SFTPC: variants seen among roughly 807,000 people sequenced by gnomAD.
SFTPC encodes the protein BRICHOS domain containing 6.
SFTPC carries 12 observed loss-of-function variants against 19.9 expected under a neutral mutation model. That is an observed-to-expected ratio of 0.60 (90% CI 0.39 to 0.98). The LOEUF (loss-of-function observed/expected upper bound fraction) is 0.98. Ranked by LOEUF, SFTPC falls within the 50% of genes least tolerant of loss-of-function variation. The probability of loss-of-function intolerance (pLI) is 0.00; values close to 1 mark genes in which losing one functional copy is unlikely to be tolerated. For synonymous variants in SFTPC, 123 were observed against 103.3 expected, an observed-to-expected ratio of 1.19 and a Z score of -1.16; for missense variants, 219 against 252.2, an observed-to-expected ratio of 0.87 and a Z score of 0.89.
rs140610971 is a variant in SFTPC, at chr8:22,161,908, C to T, written c.42+38C>T. 4.1e-5 allele frequency: 66 copies of T among 1,600,956 alleles called. No homozygotes were observed. In the Middle Eastern group the frequency reaches 6.6e-4, roughly 16 times the overall value. On this transcript the variant is annotated intron_variant, in intron 1 of 5. Coordinates refer to ENST00000679463, the MANE Select transcript of SFTPC (RefSeq NM_001317778.2). ...GCGTGTGTGTATGTATGTGTGCGCG[C>T]GCACATGTGTGTGATGGGCCCTGCC...
In SFTPC at chr8:22,163,546, GGT is replaced by G. The variant is rs149538549; in HGVS notation, c.435+12_435+13del. ...TCACTAGAAAAGTCCACAACTTCCA[GGT>G]GTGTGTGTGTGGGTGAAAAGAGTGG... is the stretch of plus-strand genomic sequence containing the variant. On this transcript the variant is annotated splice_donor_variant, in intron 4 of 5. Transcript: ENST00000679463. LOFTEE classifies it high-confidence loss of function. The G allele has an allele frequency of 6.4e-4, 990 of 1,556,392 alleles. No homozygotes were observed. Among genetic ancestry groups the G allele is most frequent in the Non-Finnish European group, 7.5e-4 (851 of 1,132,412 alleles).
rs1018443678 is a variant in SFTPC at position 22,161,890 on chromosome 8, T to C, written c.42+20T>C. ...CCGCCGGTGAGTGTGGTTGCGTGTG[T>C]GTATGTATGTGTGCGCGCGCACATG... On this transcript the variant is annotated intron_variant, in intron 1 of 5. Coordinates refer to ENST00000679463, the MANE Select transcript of SFTPC (RefSeq NM_001317778.2). 1.2e-6 allele frequency: 2 copies of C among 1,611,672 alleles called. No individual in the cohort carries two copies. Among genetic ancestry groups the C allele is most frequent in the South Asian group, 1.1e-5 (1 of 91,044 alleles).
intron 1 of SFTPC, 93 bp from the exon 2 acceptor site, chr8:22,162,481 G>A (rs906730042): frequency 7.0e-7 from 1 of 1,433,124 alleles, no homozygotes; most frequent in Non-Finnish European, 9.8e-7. Flanking sequence ...TCCAGCCCTA[G>A]GCAGCCGTGG....
intron 1 of SFTPC, 35 bp downstream of exon 1, chr8:22,161,905 G>C: frequency 3.7e-6 from 6 of 1,602,498 alleles, no homozygotes; most frequent in Non-Finnish European, 5.1e-6. Flanking sequence ...GTATGTGTGC[G>C]CGCGCACATG....
chr8:22,161,423 T>C (rs1827713481), upstream of SFTPC, among the ~76,000 whole-genome samples: 1 of 152,100 alleles, frequency 6.6e-6, no homozygotes, highest in South Asian at 2.1e-4. Flanking sequence ...GGAAATATGA[T>C]GGTCAGACCC....
intron 2 of SFTPC, 92 bp downstream of exon 2, chr8:22,162,824 T>C (rs754683463): frequency 2.4e-5 from 37 of 1,533,108 alleles, no homozygotes; most frequent in Non-Finnish European, 3.1e-5. Flanking sequence ...CCAAGGGGAG[T>C]GGAGGGGAGG....
intron 2 of SFTPC, 121 bp from the exon 3 acceptor site, chr8:22,162,959 C>A: frequency 6.8e-7 from 1 of 1,468,962 alleles, no homozygotes; most frequent in Non-Finnish European, 9.4e-7. Context: ...TTCCACTCAG[C>A]CTCCCTGAAC....
At chr8:22,164,138 G>A in intron 5 of SFTPC, 79 bp downstream of exon 5, 2 of 1,581,206 alleles carry the variant, frequency 1.3e-6, no homozygotes, top group East Asian at 2.3e-5. Context: ...CGCTCGCGCT[G>A]ACCAGGCGCT....
chr8:22,163,227 C>T (rs371893768), intron 3 of SFTPC, 25 bp downstream of exon 3: 70 of 1,613,910 alleles, frequency 4.3e-5, no homozygotes, highest in South Asian at 3.2e-4. Context: ...ACCTCCTGAC[C>T]CTGGGACCAA....
At chr8:22,159,899 C>T (rs8192315), upstream of SFTPC, 1,263 of 619,144 alleles carry the variant, frequency 2.0e-3, 8 homozygotes, top group African/African-American at 0.02. Context: ...ATGATGGGGG[C>T]GGGAGTAAGG....
upstream of SFTPC, among the ~76,000 whole-genome samples, chr8:22,160,394 T>C (rs531432287): frequency 4.6e-5 from 7 of 152,302 alleles, no homozygotes; most frequent in Admixed American, 2.0e-4. Flanking sequence ...CGAGATCACT[T>C]GAGCCCAGGA....
chr8:22,158,489 G>A (rs1827587528), upstream of SFTPC: 1 of 152,382 alleles, frequency 6.6e-6, no homozygotes, highest in African/African-American at 2.4e-5. Context: ...ACACAGAAGG[G>A]GTGGCCACCG....
At chr8:22,162,822 A>T (rs1165928274) in intron 2 of SFTPC, 90 bp downstream of exon 2, 1 of 1,529,344 alleles carries the variant, frequency 6.5e-7, no homozygotes, top group East Asian at 2.2e-5. Flanking sequence ...GTCCAAGGGG[A>T]GTGGAGGGGA....
At chr8:22,158,664 T>C (rs1827596199), upstream of SFTPC, 1 of 152,228 alleles carries the variant, frequency 6.6e-6, no homozygotes, top group Non-Finnish European at 1.5e-5. Flanking sequence ...TATTAGGTCC[T>C]CATAATAGCA....
chr8:22,163,992 G>A lies in SFTPC; in HGVS notation c.527G>A (p.Gly176Asp). 3 of 1,612,642 alleles carry A rather than the reference G, an allele frequency of 1.9e-6. No homozygotes were observed. The highest frequency in any genetic ancestry group is 2.7e-5 in the African/African-American group (2 of 75,030). ...APSGGDPAFL[G>D]MAVSTLCGEV... The stretch of plus-strand genomic sequence containing the variant: ...TCCGGAGGGGACCCGGCCTTCCTGG[G>A]CATGGCCGTGAGCACCCTGTGTGGC... Residue 176 changes from glycine (G) to aspartate (D), a missense_variant, in exon 5 of 6, where the codon GGC (glycine) becomes GAC (aspartate). Physicochemically the swap from Gly to Asp is moderately conservative, Grantham distance 94. Coordinates refer to ENST00000679463, the MANE Select transcript of SFTPC (RefSeq NM_001317778.2).
intron 1 of SFTPC, 29 bp from the exon 2 acceptor site, chr8:22,162,545 C>T: frequency 6.2e-7 from 1 of 1,612,588 alleles, no homozygotes; most frequent in South Asian, 1.1e-5. Context: ...GACCTCATGC[C>T]TGTCTCCTTG....
chr8:22,162,512 G>T, intron 1 of SFTPC, 62 bp from the exon 2 acceptor site: 1 of 1,584,302 alleles, frequency 6.3e-7, no homozygotes, highest in South Asian at 1.1e-5. Flanking sequence ...AGCTTGTATA[G>T]GGAGAAGAGG....
In SFTPC at chr8:22,164,429, G is replaced by T. The variant is rs8192331; in HGVS notation, c.*182G>T. ...GAGTGGGCAGAGGTGGCGCCCAGGG[G>T]CCCGGGAACTCCTGCCACAACAGAA... On this transcript the variant is annotated 3_prime_UTR_variant, in exon 6 of 6. Transcript: ENST00000679463. The T allele has an allele frequency of 3.4e-6, 5 of 1,491,562 alleles. No homozygotes were observed. The highest frequency in any genetic ancestry group is 3.5e-6 in the Non-Finnish European group (4 of 1,128,012). The allele number at this position is 1,491,562 out of a possible 1,614,324, so 92.4% of individuals were successfully genotyped here.
intron 2 of SFTPC, 140 bp downstream of exon 2, chr8:22,162,872 C>A: frequency 1.5e-6 from 2 of 1,355,400 alleles, no homozygotes; most frequent in Non-Finnish European, 1.0e-6. Context: ...AGGCACGAAC[C>A]AGGCAGCAAC....
Sources: gnomAD v4.1 joint callset for allele counts (sites outside exome capture counted in the v4.1 genomes callset) on GRCh38, gnomAD v4.1.1 for gene constraint, MANE v1.5 for transcripts, NCBI Gene and HGNC (gene_info 2026-07-23, HGNC 2026-07-21) for gene names.